The following ZNF722 variants were observed in gnomAD, a reference collection of about 807,000 sequenced individuals.
ZNF722 encodes zinc finger protein 479 pseudogene.
the ZNF722 span, chr7:64,005,499 A>G: frequency 9.9e-5 from 60 of 607,590 alleles, no homozygotes; most frequent in Non-Finnish European, 1.6e-4. Flanking sequence ...TATAAGTGAG[A>G]ACCACTTCAT....
At chr7:64,004,425 A>AAAAAAAAAAAATATATATATGT in the ZNF722 span, among the ~76,000 whole-genome samples, 1 of 61,120 alleles carries the variant, frequency 1.6e-5, no homozygotes, top group East Asian at 4.9e-4. Context: ...AAAAAAAAAA[A>AAAAAAAAAAAATATATATATGT]ATATATATAT....
chr7:64,017,675 C>T, the ZNF722 span, among the ~76,000 whole-genome samples: 2 of 152,086 alleles, frequency 1.3e-5, no homozygotes, highest in Non-Finnish European at 2.9e-5. Context: ...TTAGAAGACA[C>T]CAGTTTATAC....
the ZNF722 span, among the ~76,000 whole-genome samples, chr7:64,012,730 A>G: frequency 3.3e-5 from 5 of 152,254 alleles, no homozygotes; most frequent in South Asian, 2.1e-4. Context: ...TGTTTAGCCT[A>G]TTTGGTTTGT....
chr7:64,011,347 T>A, the ZNF722 span, among the ~76,000 whole-genome samples: 1 of 152,218 alleles, frequency 6.6e-6, no homozygotes, highest in East Asian at 1.9e-4. Context: ...TTAGCATCGA[T>A]GATCTTTATA....
the ZNF722 span, chr7:64,016,216 G>A: frequency 4.7e-5 from 11 of 232,622 alleles, no homozygotes; most frequent in Admixed American, 3.1e-4. Context: ...TCAGCTCACT[G>A]TAACCTCTGC....
chr7:64,004,425 A>AAAAAAATATATAT, the ZNF722 span, among the ~76,000 whole-genome samples: 6 of 61,100 alleles, frequency 9.8e-5, no homozygotes, highest in African/African-American at 4.8e-4. Flanking sequence ...AAAAAAAAAA[A>AAAAAAATATATAT]ATATATATAT....
chr7:64,004,425 A>AAAAAAAATATAT, the ZNF722 span, among the ~76,000 whole-genome samples: 1 of 61,120 alleles, frequency 1.6e-5, no homozygotes, highest in African/African-American at 8.0e-5. Flanking sequence ...AAAAAAAAAA[A>AAAAAAAATATAT]ATATATATAT....
the ZNF722 span, chr7:64,006,309 C>G: frequency 7.7e-7 from 1 of 1,295,746 alleles, no homozygotes; most frequent in Non-Finnish European, 1.1e-6. Flanking sequence ...AGATGGTAGC[C>G]AAACACCCAG....
chr7:64,000,728 G>C, the ZNF722 span, among the ~76,000 whole-genome samples: 1 of 151,770 alleles, frequency 6.6e-6, no homozygotes, highest in Non-Finnish European at 1.5e-5. Context: ...TGGGATTACA[G>C]GAATAAGTTA....
chr7:64,015,567 C>A, the ZNF722 span: 41 of 1,613,580 alleles, frequency 2.5e-5, no homozygotes, highest in East Asian at 8.3e-4. Flanking sequence ...TGGAGAGAAA[C>A]CCTACACATG....
the ZNF722 span, among the ~76,000 whole-genome samples, chr7:64,007,250 A>ATATATATATATATATATATATATT: frequency 2.0e-5 from 3 of 147,668 alleles, no homozygotes; most frequent in African/African-American, 7.5e-5. Context: ...ATATATATAT[A>ATATATATATATATATATATATATT]TATATTTATA....
the ZNF722 span, among the ~76,000 whole-genome samples, chr7:64,004,077 C>T: frequency 0.017 from 2,581 of 152,068 alleles, 73 homozygotes; most frequent in African/African-American, 0.059. Context: ...TCTGCACCTT[C>T]GACTTTGCAT....
At chr7:64,015,384 CA>C in the ZNF722 span, 1 of 1,519,288 alleles carries the variant, frequency 6.6e-7, no homozygotes, top group Non-Finnish European at 9.1e-7. Flanking sequence ...TCAGATAATT[CA>C]TACTAAGGAG....
chr7:64,011,405 T>C, the ZNF722 span, among the ~76,000 whole-genome samples: 1 of 152,222 alleles, frequency 6.6e-6, no homozygotes, highest in Non-Finnish European at 1.5e-5. Context: ...CCTTTCCATG[T>C]TTAGTGCTTC....
the ZNF722 span, among the ~76,000 whole-genome samples, chr7:64,009,536 C>T: frequency 1.3e-5 from 2 of 152,060 alleles, no homozygotes; most frequent in Admixed American, 1.3e-4. Flanking sequence ...TTATGCAATG[C>T]ATTACGTTTA....
chr7:63,998,874 C>A, the ZNF722 span: 1 of 1,432,944 alleles, frequency 7.0e-7, no homozygotes, highest in Non-Finnish European at 9.7e-7. Flanking sequence ...GCGTCCCGAG[C>A]TCCAGTTCTT....
At chr7:64,000,435 C>CTTTT in the ZNF722 span, among the ~76,000 whole-genome samples, 1 of 22,168 alleles carries the variant, frequency 4.5e-5, no homozygotes, top group Non-Finnish European at 1.1e-4. Context: ...CCATGCCCGG[C>CTTTT]CTTTTTTTTT....
At chr7:64,005,753 A>G in the ZNF722 span, 1 of 1,521,322 alleles carries the variant, frequency 6.6e-7, no homozygotes, top group Non-Finnish European at 9.0e-7. Context: ...GGAAAACTTC[A>G]ATACACAATT....
the ZNF722 span, among the ~76,000 whole-genome samples, chr7:64,007,737 T>C: frequency 1.3e-5 from 2 of 152,204 alleles, no homozygotes; most frequent in African/African-American, 4.8e-5. Flanking sequence ...GCATGATTTA[T>C]AATCCTTTGG....
Sources: allele counts gnomAD v4.1 joint callset (sites outside exome capture counted in the v4.1 genomes callset), GRCh38; gene constraint gnomAD v4.1.1; transcripts MANE v1.5; gene names NCBI Gene and HGNC (gene_info 2026-07-23, HGNC 2026-07-21).